The following LYZL1 variants were observed in gnomAD, a reference collection of about 807,000 sequenced individuals.
LYZL1 encodes lysozyme like 1, also known as lysozyme-like protein 1.
In LYZL1, 16 loss-of-function variants were observed where a neutral mutation model predicts 17.9. The ratio of observed to expected loss-of-function variants is 0.90; its 90% CI spans 0.61 to 1.36. The LOEUF is 1.36. Among genes scored for constraint, LYZL1 ranks in the 40% most tolerant of loss-of-function variants. The pLI is 0.00. For synonymous variants in LYZL1, 58 were observed against 71.8 expected, an observed-to-expected ratio of 0.81 and a Z score of 0.97; for missense variants, 149 against 188.4, an observed-to-expected ratio of 0.79 and a Z score of 1.22.
At chr10:29,306,048 G>A (rs1383686142) in intron 3 of LYZL1, among the ~76,000 whole-genome samples, 4 of 152,126 alleles carry the variant, frequency 2.6e-5, no homozygotes, top group Non-Finnish European at 4.4e-5. Context: ...TAGAAAATAC[G>A]CAGCAAAGAC....
At position 29,292,694 on chromosome 10, in the gene LYZL1, C is replaced by T. The variant is rs764526704; in HGVS notation, c.298+17C>T. ...CCTGCTCAGGTGAGGCTCTGACTTT[C>T]CAGTGATGCCATCCTCAGGACTAGG... On this transcript the variant is annotated intron_variant, in intron 3 of 4. Coordinates refer to ENST00000649382, the MANE Select transcript of LYZL1 (RefSeq NM_032517.6). The T allele has an allele frequency of 1.2e-6, 2 of 1,606,164 alleles. No homozygotes were observed. Among genetic ancestry groups the T allele is most frequent in the Non-Finnish European group, 1.7e-6 (2 of 1,175,602 alleles).
At chr10:29,290,116 C>G (rs1564387629) in intron 1 of LYZL1, among the ~76,000 whole-genome samples, 3 of 152,128 alleles carry the variant, frequency 2.0e-5, no homozygotes, top group Admixed American at 6.6e-5. Context: ...CCTAGCCTTT[C>G]AATGCAGGAA....
intron 2 of LYZL1, 122 bp downstream of exon 2, chr10:29,292,128 A>AG: frequency 6.0e-6 from 8 of 1,336,324 alleles, no homozygotes; most frequent in Non-Finnish European, 7.2e-6. Context: ...CACCGCACTC[A>AG]GGGGTGGCTG....
chr10:29,315,079 A>G (rs58878449), downstream of LYZL1, among the ~76,000 whole-genome samples: 2,044 of 152,352 alleles, frequency 0.013, 30 homozygotes, highest in East Asian at 0.07. Context: ...AAAAAAATAA[A>G]GCCTTCATCA....
intron 3 of LYZL1, among the ~76,000 whole-genome samples, chr10:29,303,738 C>A (rs943610905): frequency 2.4e-4 from 36 of 152,284 alleles, no homozygotes; most frequent in Admixed American, 1.9e-3. Context: ...TAACCACCCT[C>A]CATGAAAGGC....
intron 1 of LYZL1, among the ~76,000 whole-genome samples, chr10:29,289,823 T>C (rs1157953696): frequency 2.6e-5 from 4 of 152,176 alleles, no homozygotes; most frequent in Non-Finnish European, 5.9e-5. Context: ...GATAATAATA[T>C]GTTAGGCTTT....
chr10:29,298,862 A>T (rs1835480263), intron 3 of LYZL1, among the ~76,000 whole-genome samples: 1 of 152,156 alleles, frequency 6.6e-6, no homozygotes. Context: ...AGGGAGGAGG[A>T]TGGTTTCAGG....
downstream of LYZL1, among the ~76,000 whole-genome samples, chr10:29,312,129 G>A (rs1160473105): frequency 6.6e-6 from 1 of 152,176 alleles, no homozygotes; most frequent in Non-Finnish European, 1.5e-5. Context: ...GCAAGACCCT[G>A]TCTCTACAGC....
intron 3 of LYZL1, among the ~76,000 whole-genome samples, chr10:29,298,664 G>A (rs1318080057): frequency 6.6e-6 from 1 of 152,142 alleles, no homozygotes; most frequent in African/African-American, 2.4e-5. Context: ...AGGAAACAAG[G>A]GACTCGATGA....
intron 3 of LYZL1, among the ~76,000 whole-genome samples, chr10:29,305,182 A>G (rs1049368136): frequency 2.6e-5 from 4 of 152,180 alleles, no homozygotes; most frequent in Non-Finnish European, 5.9e-5. Flanking sequence ...CACAAACCAC[A>G]GTGTCTCAGC....
rs74893399 is a variant in LYZL1 at position 29,305,949 on chromosome 10, C to T, written c.299-4161C>T. Reference sequence around the variant, plus strand: ...CAAAATAATCTGGTATTACAATGTTCTACTGAAATGCAACATTTTATGCTA... The same window carrying T: ...CAAAATAATCTGGTATTACAATGTTTTACTGAAATGCAACATTTTATGCTA... On this transcript the variant is annotated intron_variant, in intron 3 of 4. Transcript: ENST00000649382. Among the ~76,000 whole-genome samples, 558 of 152,272 alleles carry T rather than the reference C, an allele frequency of 3.7e-3. 24 individuals carry two copies. In the East Asian group the frequency reaches 0.088, roughly 24 times the overall value.
At chr10:29,315,951 C>A (rs1415833980), downstream of LYZL1, among the ~76,000 whole-genome samples, 1 of 152,218 alleles carries the variant, frequency 6.6e-6, no homozygotes, top group Non-Finnish European at 1.5e-5. Context: ...CTCCAGGTTG[C>A]CAGGCTTCCT....
At chr10:29,299,201 G>A (rs1835485022) in intron 3 of LYZL1, among the ~76,000 whole-genome samples, 1 of 152,198 alleles carries the variant, frequency 6.6e-6, no homozygotes, top group Non-Finnish European at 1.5e-5. Context: ...GCTTGTGGCT[G>A]TAAATACAGA....
At chr10:29,313,904 T>C (rs1564395165), downstream of LYZL1, among the ~76,000 whole-genome samples, 1 of 152,242 alleles carries the variant, frequency 6.6e-6, no homozygotes, top group Non-Finnish European at 1.5e-5. Flanking sequence ...GATTGGCTTA[T>C]GTGGGTACAT....
rs1170542710 is a variant in LYZL1 at position 29,311,120 on chromosome 10, A to C, written c.*61A>C. Reference sequence around the variant, plus strand: ...CCTAGGATTTGCAGTGAATGTCCAAATGCCTGTGTCATCTTGTCCCGTTTC... The same window carrying C: ...CCTAGGATTTGCAGTGAATGTCCAACTGCCTGTGTCATCTTGTCCCGTTTC... On this transcript the variant is annotated 3_prime_UTR_variant, in exon 5 of 5. Coordinates refer to ENST00000649382, the MANE Select transcript of LYZL1 (RefSeq NM_032517.6). 23 of 1,613,896 alleles carry C rather than the reference A, an allele frequency of 1.4e-5. No homozygotes were observed. The South Asian group carries it at 1.9e-4, about 13-fold the overall frequency.
At chr10:29,291,401 C>T (rs2132812558) in intron 1 of LYZL1, among the ~76,000 whole-genome samples, 1 of 151,878 alleles carries the variant, frequency 6.6e-6, no homozygotes, top group African/African-American at 2.4e-5. Context: ...GTTGGTCTTG[C>T]TGTCTCGGGG....
At chr10:29,299,244 C>T (rs1358518028) in intron 3 of LYZL1, among the ~76,000 whole-genome samples, 1 of 152,184 alleles carries the variant, frequency 6.6e-6, no homozygotes, top group African/African-American at 2.4e-5. Context: ...CCGCTCACCT[C>T]CTGCTGTGTG....
rs767150157 is a variant in LYZL1 at position 29,292,057 on chromosome 10, G to T, written c.139+51G>T. On this transcript the variant is annotated intron_variant, in intron 2 of 4. Coordinates refer to ENST00000649382, the MANE Select transcript of LYZL1 (RefSeq NM_032517.6). ...CTTCTGTCCTTGACCTTTCCCCTGA[G>T]ATGTTGAAGGTCCTGGCCACACTCC... 8.5e-6 allele frequency: 13 copies of T among 1,521,828 alleles called. 1 individual carries two copies. The allele number at this position is 1,521,828 out of a possible 1,614,324, so 94.3% of individuals were successfully genotyped here.
chr10:29,296,286 T>G (rs553113148), intron 3 of LYZL1, among the ~76,000 whole-genome samples: 1 of 152,210 alleles, frequency 6.6e-6, no homozygotes, highest in Admixed American at 6.5e-5. Flanking sequence ...ACTAACTTAG[T>G]GATTAAAGAC....
Sources: allele counts gnomAD v4.1 joint callset (sites outside exome capture counted in the v4.1 genomes callset), GRCh38; gene constraint gnomAD v4.1.1; transcripts MANE v1.5; gene names NCBI Gene and HGNC (gene_info 2026-07-23, HGNC 2026-07-21).